TOX: variants seen among roughly 807,000 people sequenced by gnomAD.
TOX encodes the protein thymocyte selection associated high mobility group box.
Under a neutral mutation model 53.7 loss-of-function variants are expected in TOX, and 11 were observed. The observed-to-expected ratio is 0.20, with a 90% CI of 0.13 to 0.34. TOX has a LOEUF of 0.34. Ranked by LOEUF, TOX falls within the 10% of genes least tolerant of loss-of-function variation. TOX has a pLI of 1.00. For synonymous variants in TOX, 225 were observed against 245.3 expected (o/e 0.92, Z 0.77); for missense variants, 570 against 664.6 (o/e 0.86, Z 1.56).
intron 5 of TOX, among the ~76,000 whole-genome samples, chr8:58,832,927 A>G (rs1222699737): frequency 6.6e-6 from 1 of 152,226 alleles, no homozygotes; most frequent in East Asian, 1.9e-4. Context: ...GAAAGAAGGC[A>G]TATGTTAACA....
intron 3 of TOX, among the ~76,000 whole-genome samples, chr8:58,889,083 A>C (rs1365239151): frequency 6.6e-6 from 1 of 152,070 alleles, no homozygotes; most frequent in East Asian, 1.9e-4. Flanking sequence ...ACACATGCAG[A>C]GTACAATTTG....
chr8:58,851,611 G>T lies in TOX; in HGVS notation c.606C>A (p.His202Gln), dbSNP rs1810823149. The T allele has an allele frequency of 1.9e-6, 3 of 1,613,554 alleles. No homozygotes were observed. The highest frequency in any genetic ancestry group is 2.5e-6 in the Non-Finnish European group (3 of 1,179,796). ...TGCTTCCAGGTGGAGATGGTGAGTT[G>T]TGGGGAACATTGCTTCCTCCCATAT... ...GLNMGGSNVP[H>Q]NSPSPPGSKS... Residue 202 changes from histidine (H) to glutamine (Q), a missense_variant, in exon 4 of 9, where the codon CAC becomes CAA. Transcript: ENST00000361421. The surrounding 1 kb of genome is among the most constrained non-coding windows in gnomAD (Gnocchi z 4.4).
At chr8:58,986,418 T>G (rs1004333452) in intron 1 of TOX, among the ~76,000 whole-genome samples, 25 of 152,154 alleles carry the variant, frequency 1.6e-4, no homozygotes, top group African/African-American at 5.8e-4. Flanking sequence ...TGGTACTGAG[T>G]TCATGCAGTT....
intron 3 of TOX, among the ~76,000 whole-genome samples, chr8:58,911,670 A>C (rs993198815): frequency 4.6e-5 from 7 of 152,164 alleles, no homozygotes; most frequent in Admixed American, 1.3e-4. Context: ...TCTGAGCAGA[A>C]AAAAACACAT....
rs139786072 is a variant in TOX at position 58,837,954 on chromosome 8, G to A, written c.924+127C>T. 1,356 of 781,554 alleles carry A rather than the reference G, an allele frequency of 1.7e-3. 16 individuals carry two copies. In the African/African-American group the frequency reaches 0.02, roughly 11 times the overall value. 48.4% of individuals were successfully genotyped at this position (781,554 alleles called of 1,614,324 possible). On this transcript the variant is annotated intron_variant, in intron 5 of 8. Transcript: ENST00000361421. ...GTGAACGTCTCAGAAAGTCTGGTTCGGATGGGGACACCTTCTCAGCGTCTG... is the reference window on the plus strand; with the variant it reads ...GTGAACGTCTCAGAAAGTCTGGTTCAGATGGGGACACCTTCTCAGCGTCTG...
intron 3 of TOX, among the ~76,000 whole-genome samples, chr8:58,885,695 G>A (rs993360131): frequency 2.6e-5 from 4 of 152,140 alleles, no homozygotes; most frequent in African/African-American, 9.7e-5. Flanking sequence ...GTCCATGGTG[G>A]ACAAGGGCCA....
chr8:59,024,547 C>CCA (rs1197244173), intron 1 of TOX, among the ~76,000 whole-genome samples: 1 of 152,178 alleles, frequency 6.6e-6, no homozygotes, highest in Non-Finnish European at 1.5e-5. Context: ...CAGGCTGTCA[C>CCA]GTTTTTGTGT....
chr8:58,986,383 C>T (rs1180043580), intron 1 of TOX, among the ~76,000 whole-genome samples: 5 of 152,188 alleles, frequency 3.3e-5, no homozygotes, highest in South Asian at 2.1e-4. Context: ...ACTGAAGCCA[C>T]GGAAAAGCAA....
intron 1 of TOX, among the ~76,000 whole-genome samples, chr8:59,030,352 ACTTCT>A (rs1814331986): frequency 6.6e-6 from 1 of 152,210 alleles, no homozygotes; most frequent in African/African-American, 2.4e-5. Flanking sequence ...TGTTAATGTT[ACTTCT>A]CTTAAGCGCA....
At chr8:58,819,747 G>A (rs184146583) in intron 6 of TOX, among the ~76,000 whole-genome samples, 1 of 152,254 alleles carries the variant, frequency 6.6e-6, no homozygotes, top group Admixed American at 6.5e-5. Context: ...GATTGACAAA[G>A]CTATTGTTAT....
intron 1 of TOX, among the ~76,000 whole-genome samples, chr8:59,072,526 C>T (rs1028397276): frequency 2.0e-5 from 3 of 152,130 alleles, no homozygotes; most frequent in Admixed American, 6.6e-5. Flanking sequence ...ACAAATTATG[C>T]TAATAATTGA....
intron 3 of TOX, among the ~76,000 whole-genome samples, chr8:58,912,489 G>A (rs911203083): frequency 6.6e-6 from 1 of 152,222 alleles, no homozygotes; most frequent in Non-Finnish European, 1.5e-5. Flanking sequence ...GGGAAAAAGA[G>A]CAGATATTTG....
intron 3 of TOX, among the ~76,000 whole-genome samples, chr8:58,897,412 C>A (rs1811669412): frequency 6.6e-6 from 1 of 152,132 alleles, no homozygotes; most frequent in Non-Finnish European, 1.5e-5. Flanking sequence ...GTTTTTAGGA[C>A]ACGTCCAGGA....
intron 1 of TOX, among the ~76,000 whole-genome samples, chr8:59,006,316 G>A (rs984870301): frequency 1.3e-5 from 2 of 152,222 alleles, no homozygotes; most frequent in Admixed American, 1.3e-4. Context: ...AAACTGGGAT[G>A]CTGTTTCACT....
chr8:58,891,905 T>C (rs1287831664), intron 3 of TOX, among the ~76,000 whole-genome samples: 1 of 152,218 alleles, frequency 6.6e-6, no homozygotes, highest in Non-Finnish European at 1.5e-5. Flanking sequence ...AGTATGATAT[T>C]CTAATGTTTT....
chr8:59,045,112 CTT>C (rs779655387), intron 1 of TOX, among the ~76,000 whole-genome samples: 8 of 152,156 alleles, frequency 5.3e-5, no homozygotes, highest in Non-Finnish European at 8.8e-5. Context: ...GAAAATTAGA[CTT>C]TTTCTTCCTA....
At position 58,951,807 on chromosome 8, in the gene TOX, T is replaced by C. The variant is rs577315323; in HGVS notation, c.168+8136A>G. On this transcript the variant is annotated intron_variant, in intron 2 of 8. Transcript: ENST00000361421. ...ATGCTGGGCCTTGGAAGTCACTTGT[T>C]TGGCTTTGCTACTGACAGCATCAAA... Among the ~76,000 whole-genome samples, 4 of 152,332 alleles carry C rather than the reference T, an allele frequency of 2.6e-5. No homozygotes were observed. The East Asian group carries it at 7.7e-4, about 29-fold the overall frequency.
chr8:58,973,949 C>T (rs900249056), intron 1 of TOX, among the ~76,000 whole-genome samples: 1 of 152,088 alleles, frequency 6.6e-6, no homozygotes, highest in African/African-American at 2.4e-5. Flanking sequence ...AGTCATGCAC[C>T]ACCATGCCTG....
chr8:59,079,748 C>A (rs944094381), intron 1 of TOX, among the ~76,000 whole-genome samples: 8 of 152,156 alleles, frequency 5.3e-5, no homozygotes, highest in Non-Finnish European at 7.3e-5. Flanking sequence ...AAGCCCCACA[C>A]ACAGTCCCAG....
Sources: allele counts gnomAD v4.1 joint callset (sites outside exome capture counted in the v4.1 genomes callset), GRCh38; gene constraint gnomAD v4.1.1; non-coding constraint Gnocchi (gnomAD v3.1); transcripts MANE v1.5; gene names NCBI Gene and HGNC (gene_info 2026-07-23, HGNC 2026-07-21).